Variants in AGBL1 observed in about 807,000 individuals in gnomAD.
AGBL1 encodes cytosolic carboxypeptidase 4.
A neutral mutation model predicts 118.9 loss-of-function variants in AGBL1; 130 were observed. The observed-to-expected ratio is 1.09, with a 90% confidence interval of 0.95 to 1.26. The LOEUF is 1.26. Among genes scored for constraint, AGBL1 ranks in the 50% most tolerant of loss-of-function variants. The pLI is 0.00. For missense variants in AGBL1, 1,584 were observed against 1,298.1 expected (o/e 1.22, Z -3.38); for synonymous variants, 555 against 478.9 (o/e 1.16, Z -2.08).
chr15:86,384,724 T>C (rs981137379), intron 17 of AGBL1, among the ~76,000 whole-genome samples: 3 of 152,170 alleles, frequency 2.0e-5, no homozygotes, highest in Non-Finnish European at 2.9e-5. Flanking sequence ...AGGAATAGAT[T>C]TGCTGATTTT....
chr15:86,412,571 A>G (rs536703449), intron 18 of AGBL1, among the ~76,000 whole-genome samples: 12 of 152,200 alleles, frequency 7.9e-5, no homozygotes, highest in Admixed American at 1.3e-4. Context: ...GATGAGGTGC[A>G]GCATAGTGGC....
At chr15:86,827,943 T>TTTTTTTTTTTTTTTTTTTTTTG (rs2079053570) in intron 22 of AGBL1, among the ~76,000 whole-genome samples, 1 of 111,754 alleles carries the variant, frequency 8.9e-6, no homozygotes, top group Admixed American at 9.0e-5. Flanking sequence ...TAGGGCTTTT[T>TTTTTTTTTTTTTTTTTTTTTTG]TTTTTTTTTT....
chr15:86,893,364 C>G (rs566186254), intron 22 of AGBL1, among the ~76,000 whole-genome samples: 1 of 152,288 alleles, frequency 6.6e-6, no homozygotes, highest in African/African-American at 2.4e-5. Flanking sequence ...ATCCGCAAAA[C>G]TGCGTTTAAA....
At chr15:86,895,052 T>TTCC (rs2080103017) in intron 22 of AGBL1, among the ~76,000 whole-genome samples, 1 of 145,696 alleles carries the variant, frequency 6.9e-6, no homozygotes, top group Non-Finnish European at 1.5e-5. Flanking sequence ...TTTTGTTCCT[T>TTCC]CTTTCTTTTA....
chr15:86,559,293 G>C (rs2083780190), intron 21 of AGBL1, among the ~76,000 whole-genome samples: 1 of 152,122 alleles, frequency 6.6e-6, no homozygotes, highest in Admixed American at 6.5e-5. Flanking sequence ...TGGGCATTGG[G>C]CAAGATACTA....
At chr15:86,645,265 A>G (rs1567100526) in intron 21 of AGBL1, among the ~76,000 whole-genome samples, 2 of 152,226 alleles carry the variant, frequency 1.3e-5, no homozygotes, top group Non-Finnish European at 2.9e-5. Context: ...GGTAAAAGTA[A>G]TATACATACA....
chr15:86,338,677 CAAGA>C (rs1259415637), intron 17 of AGBL1, among the ~76,000 whole-genome samples: 3 of 152,014 alleles, frequency 2.0e-5, no homozygotes, highest in African/African-American at 7.2e-5. Flanking sequence ...AAAGGACGTG[CAAGA>C]AAGAAAGTCA....
intron 21 of AGBL1, among the ~76,000 whole-genome samples, chr15:86,622,330 CAAA>C (rs76582205): frequency 5.3e-5 from 5 of 93,874 alleles, no homozygotes; most frequent in Admixed American, 1.3e-4. Flanking sequence ...GACTCCATCT[CAAA>C]AAAAAAAAAA....
At chr15:86,548,567 C>A (rs1041883255) in intron 20 of AGBL1, among the ~76,000 whole-genome samples, 6 of 151,880 alleles carry the variant, frequency 4.0e-5, no homozygotes, top group Admixed American at 2.0e-4. Context: ...GGGTCTGTAA[C>A]CTTCTTGACT....
chr15:86,984,781 G>A (rs1041830991), intron 23 of AGBL1, among the ~76,000 whole-genome samples: 12 of 151,572 alleles, frequency 7.9e-5, no homozygotes, highest in African/African-American at 1.2e-4. Flanking sequence ...TTATTTTAAC[G>A]GTGTCATTAA....
At chr15:86,106,427 C>T (rs962866426) in intron 1 of AGBL1, among the ~76,000 whole-genome samples, 1 of 152,248 alleles carries the variant, frequency 6.6e-6, no homozygotes, top group African/African-American at 2.4e-5. Flanking sequence ...GATAAAACCT[C>T]CATCTGATTT....
At chr15:86,114,233 A>G (rs1014714948) in intron 1 of AGBL1, among the ~76,000 whole-genome samples, 1 of 152,250 alleles carries the variant, frequency 6.6e-6, no homozygotes, top group African/African-American at 2.4e-5. Context: ...TGTTATATTT[A>G]AAATCTGCAA....
rs115862674 is a variant in AGBL1, at chr15:86,900,954, A to G, written c.3159-6133A>G. On this transcript the variant is annotated intron_variant, in intron 22 of 22. Coordinates refer to ENST00000614907, the MANE Select transcript of AGBL1 (RefSeq NM_001386094.1). ...TACATGAACAGTGACATCCCATTATATTAGCTATTCTTATTTTACTTAGTG... is the reference window on the plus strand; with the variant it reads ...TACATGAACAGTGACATCCCATTATGTTAGCTATTCTTATTTTACTTAGTG... Among the ~76,000 whole-genome samples, 900 of 152,294 alleles carry G rather than the reference A, an allele frequency of 5.9e-3. 6 individuals are homozygous for G. Among genetic ancestry groups the G allele is most frequent in the African/African-American group, 0.021 (874 of 41,570 alleles).
intron 20 of AGBL1, among the ~76,000 whole-genome samples, chr15:86,552,835 CATTCTATTTCCCTTTTTTAG>C (rs1567053974): frequency 6.6e-6 from 1 of 152,084 alleles, no homozygotes. Flanking sequence ...ATAACATTAG[CATTCTATTTCCCTTTTTTAG>C]ATGATTGTAA....
chr15:86,190,080 A>G (rs1264706386), intron 5 of AGBL1, among the ~76,000 whole-genome samples: 1 of 152,242 alleles, frequency 6.6e-6, no homozygotes, highest in Non-Finnish European at 1.5e-5. Flanking sequence ...TCAAAGGACT[A>G]AAAGAAACTT....
chr15:86,207,624 G>A (rs994099642), intron 5 of AGBL1, among the ~76,000 whole-genome samples: 3 of 152,034 alleles, frequency 2.0e-5, no homozygotes, highest in African/African-American at 4.8e-5. Flanking sequence ...GTCTGTTATT[G>A]GTGTATAGGA....
chr15:86,135,836 T>C (rs2076881928), intron 1 of AGBL1, among the ~76,000 whole-genome samples: 1 of 152,158 alleles, frequency 6.6e-6, no homozygotes, highest in Non-Finnish European at 1.5e-5. Flanking sequence ...GATTAATCAA[T>C]AGAATGTGGC....
chr15:86,703,130 T>C (rs565541577), intron 22 of AGBL1, among the ~76,000 whole-genome samples: 1 of 152,302 alleles, frequency 6.6e-6, no homozygotes, highest in African/African-American at 2.4e-5. Context: ...AGAGTGGTGA[T>C]AATGAATCAA....
chr15:86,886,852 A>G (rs1385580040), intron 22 of AGBL1, among the ~76,000 whole-genome samples: 2 of 152,186 alleles, frequency 1.3e-5, no homozygotes, highest in Non-Finnish European at 2.9e-5. Context: ...GGGATTAGGT[A>G]GGACCATGTA....
Sources: allele counts gnomAD v4.1 joint callset (sites outside exome capture counted in the v4.1 genomes callset), GRCh38; gene constraint gnomAD v4.1.1; transcripts MANE v1.5; gene names NCBI Gene and HGNC (gene_info 2026-07-23, HGNC 2026-07-21).